The following MROH2A variants were observed in gnomAD, a reference collection of about 807,000 sequenced individuals.
MROH2A encodes maestro heat like repeat family member 2A.
MROH2A carries 174 observed loss-of-function variants against 200.4 expected under a neutral mutation model. The ratio of observed to expected loss-of-function variants is 0.87; its 90% confidence interval spans 0.77 to 0.98. The LOEUF (loss-of-function observed/expected upper bound fraction) is 0.98, where lower values mean the gene tolerates loss of function less well. Among genes scored for constraint, MROH2A ranks in the 50% least tolerant of loss-of-function variants. The pLI is 0.00. For missense variants in MROH2A, 2,045 were observed against 2,139.6 expected, an observed-to-expected ratio of 0.96 and a Z score of 0.87; for synonymous variants, 829 against 840.4, an observed-to-expected ratio of 0.99 and a Z score of 0.23.
chr2:233,800,185 C>T lies in MROH2A; in HGVS notation c.1450-20C>T. The T allele has an allele frequency of 4.0e-6, 6 of 1,514,288 alleles. No individual in the cohort carries two copies. The highest frequency in any genetic ancestry group is 5.4e-6 in the Non-Finnish European group (6 of 1,119,198). 93.8% of individuals were successfully genotyped at this position (1,514,288 alleles called of 1,614,324 possible). On this transcript the variant is annotated intron_variant, in intron 13 of 41. Coordinates refer to ENST00000389758, the MANE Select transcript of MROH2A (RefSeq NM_001394639.1). ...CCTCTGCTAGGCCACAGGTGGGAAT[C>T]CCTTGGTTCTTTCTTCCAGACAAAT...
chr2:233,792,748 C>T (rs1288291663), intron 5 of MROH2A, 48 bp from the exon 6 acceptor site: 1 of 1,240,914 alleles, frequency 8.1e-7, no homozygotes. Flanking sequence ...CTTCTCTCTG[C>T]TCACCCCCAG....
At position 233,819,908 on chromosome 2, in the gene MROH2A, G is replaced by A. The variant is rs1287245305; in HGVS notation, c.3364G>A (p.Glu1122Lys). ...ATGCCCCATCCCTACCTAGGTGGCC[G>A]AGATCCTGAGTGCCATCCTGGTGCA... ...RAKELEDKVAEILSAILVHLP... is the reference protein window; with the variant it reads ...RAKELEDKVAKILSAILVHLP... The change falls in exon 31 of 42, where the codon GAG becomes AAG. Residue 1122 changes from glutamate (E) to lysine (K), a missense_variant. Coordinates refer to ENST00000389758, the MANE Select transcript of MROH2A (RefSeq NM_001394639.1). 18 of 1,512,534 alleles carry A rather than the reference G, an allele frequency of 1.2e-5. No individual in the cohort carries two copies. The Admixed American group carries it at 1.9e-4, about 16-fold the overall frequency. The allele number at this position is 1,512,534 out of a possible 1,614,324, so 93.7% of individuals were successfully genotyped here.
intron 38 of MROH2A, among the ~76,000 whole-genome samples, chr2:233,831,109 G>A (rs766614670): frequency 2.0e-5 from 3 of 152,324 alleles, no homozygotes; most frequent in East Asian, 1.9e-4. Context: ...CCCGGCTCCC[G>A]CCTCTGATCC....
Position 233,779,813 on chromosome 2 carries a change from A to G in MROH2A, c.237A>G (p.Val79=), listed in dbSNP as rs2126076907. 1.3e-6 allele frequency: 2 copies of G among 1,550,616 alleles called. No individual in the cohort carries two copies. The highest frequency in any genetic ancestry group is 2.4e-5 in the South Asian group (2 of 84,058). ...AGAAGGCCACCACTGAGCCTTCTGT[A>G]GTGATAAACACTCTCATCCGCTGCC... The part of the protein sequence containing the change: ...IMEKATTEPS[V]VINTLIRCLQ... The change falls in exon 3 of 42, where the codon GTA becomes GTG. Residue 79 remains valine, a synonymous_variant. Coordinates refer to ENST00000389758, the MANE Select transcript of MROH2A (RefSeq NM_001394639.1).
upstream of MROH2A, among the ~76,000 whole-genome samples, chr2:233,776,170 C>A (rs1229558153): frequency 6.6e-6 from 1 of 152,052 alleles, no homozygotes; most frequent in African/African-American, 2.4e-5. Context: ...CACATTATGT[C>A]TTGGGCCTTT....
chr2:233,793,856 G>A, intron 7 of MROH2A, 32 bp downstream of exon 7: 1 of 1,368,966 alleles, frequency 7.3e-7, no homozygotes, highest in Non-Finnish European at 9.5e-7. Flanking sequence ...AGGGCCTGGT[G>A]GTCCCCAGGC....
At chr2:233,787,883 T>C (rs368268083) in intron 3 of MROH2A, among the ~76,000 whole-genome samples, 2 of 34,780 alleles carry the variant, frequency 5.8e-5, no homozygotes, top group Admixed American at 5.5e-4. Flanking sequence ...ATATATTATA[T>C]ATACATATAT....
At position 233,832,279 on chromosome 2, in the gene MROH2A, G is replaced by C; in HGVS notation, c.4837G>C (p.Gly1613Arg). ...RIRIAACNLA[G>R]IIMKQMSTHY... ...CAGAATCGCTGCTTGCAACTTGGCA[G>C]GTGAGCAGAGAGACGTCTCCTGACT... The change falls in exon 40 of 42, where the codon GGA (glycine) becomes CGA (arginine). Residue 1613 changes from glycine to arginine, a missense_variant and splice_region_variant. By Grantham distance (125) the Gly-to-Arg change is moderately radical. Transcript: ENST00000389758. 6.5e-7 allele frequency: 1 copy of C among 1,550,354 alleles called. No individual in the cohort carries two copies. The highest frequency in any genetic ancestry group is 8.7e-7 in the Non-Finnish European group (1 of 1,146,862).
At chr2:233,804,413 G>T in intron 17 of MROH2A, 82 bp from the exon 18 acceptor site, 1 of 1,463,470 alleles carries the variant, frequency 6.8e-7, no homozygotes, top group South Asian at 1.2e-5. Flanking sequence ...CCACGCTAAG[G>T]AGGCATAGAG....
intron 3 of MROH2A, 41 bp from the exon 4 acceptor site, chr2:233,789,456 G>A (rs1198898511): frequency 1.0e-5 from 14 of 1,351,112 alleles, no homozygotes; most frequent in Non-Finnish European, 1.3e-5. Context: ...TGTGCTGGGG[G>A]CAGGGTGAGG....
At chr2:233,800,022 G>A in intron 13 of MROH2A, 123 bp downstream of exon 13, 3 of 1,339,236 alleles carry the variant, frequency 2.2e-6, no homozygotes, top group Non-Finnish European at 2.1e-6. Context: ...CATGACAGGA[G>A]TTCATAGACA....
chr2:233,808,413 A>G (rs1702942930), intron 21 of MROH2A, among the ~76,000 whole-genome samples: 1 of 152,230 alleles, frequency 6.6e-6, no homozygotes, highest in African/African-American at 2.4e-5. Flanking sequence ...TCCCTGCCAC[A>G]GGAGATGGTC....
In MROH2A at chr2:233,820,757, C is replaced by A. The variant is rs1436433055; in HGVS notation, c.3512+701C>A. The stretch of plus-strand genomic sequence containing the variant: ...TGCAGGGACGTGAGGAGATGTCAGG[C>A]TAAGTAAGAGGCTTGGAACAGAGAA... On this transcript the variant is annotated intron_variant, in intron 31 of 41. Coordinates refer to ENST00000389758, the MANE Select transcript of MROH2A (RefSeq NM_001394639.1). The surrounding 1 kb of genome is among the most constrained non-coding windows in gnomAD (Gnocchi z 4.1). 1.3e-5 allele frequency among the ~76,000 whole-genome samples: 2 copies of A among 152,126 alleles called. No homozygotes were observed. Among genetic ancestry groups the A allele is most frequent in the Non-Finnish European group, 2.9e-5 (2 of 68,022 alleles).
At chr2:233,786,767 G>A (rs992502207) in intron 3 of MROH2A, among the ~76,000 whole-genome samples, 3 of 152,132 alleles carry the variant, frequency 2.0e-5, no homozygotes, top group African/African-American at 4.8e-5. Flanking sequence ...TCAGTCATCA[G>A]TGGCAATAAA....
At chr2:233,799,648 G>A in intron 12 of MROH2A, 132 bp from the exon 13 acceptor site, 3 of 1,133,336 alleles carry the variant, frequency 2.6e-6, no homozygotes, top group Non-Finnish European at 3.7e-6. Flanking sequence ...GGACAGAGTG[G>A]GCAGTAATCA....
rs1703661588 is a variant in MROH2A, at chr2:233,818,000, A to C, written c.2962-2A>C. 1 of 1,550,786 alleles carries C rather than the reference A, an allele frequency of 6.4e-7. No individual in the cohort carries two copies. The highest frequency in any genetic ancestry group is 8.7e-7 in the Non-Finnish European group (1 of 1,147,060). ...TGAGCCCCACGGTCTCCTGTCCCTC[A>C]GATCCACCTAAAGCTGGGGCAGTTT... On this transcript the variant is annotated splice_acceptor_variant, in intron 27 of 41. Coordinates refer to ENST00000389758, the MANE Select transcript of MROH2A (RefSeq NM_001394639.1). LOFTEE classifies it high-confidence loss of function.
Position 233,792,736 on chromosome 2 carries a change from G to C in MROH2A, c.572-60G>C, listed in dbSNP as rs1358033297. The C allele has an allele frequency of 2.7e-6, 3 of 1,092,464 alleles. No homozygotes were observed. The East Asian group carries it at 7.7e-5, about 28-fold the overall frequency. The allele number at this position is 1,092,464 out of a possible 1,614,324, so 67.7% of individuals were successfully genotyped here. On this transcript the variant is annotated intron_variant, in intron 5 of 41. Transcript: ENST00000389758. ...GGAGGGCAGCAGGGTTGTCCTCTCTGCCTTCTCTCTGCTCACCCCCAGCCC... is the reference window on the plus strand; with the variant it reads ...GGAGGGCAGCAGGGTTGTCCTCTCTCCCTTCTCTCTGCTCACCCCCAGCCC...
At chr2:233,802,403 C>A (rs1702530590) in intron 15 of MROH2A, 88 bp downstream of exon 15, 1 of 1,392,918 alleles carries the variant, frequency 7.2e-7, no homozygotes, top group Non-Finnish European at 9.7e-7. Context: ...ACATTCCTCC[C>A]ACCCTCATTC....
chr2:233,779,244 C>T (rs1350278372), intron 1 of MROH2A, 101 bp from the exon 2 acceptor site: 2 of 711,980 alleles, frequency 2.8e-6, no homozygotes, highest in Non-Finnish European at 4.9e-6. Context: ...TCCACCCACA[C>T]ACCCTCAAGG....
Sources: gnomAD v4.1 joint callset for allele counts (sites outside exome capture counted in the v4.1 genomes callset) on GRCh38, gnomAD v4.1.1 for gene constraint, Gnocchi (gnomAD v3.1) non-coding constraint, MANE v1.5 for transcripts, NCBI Gene and HGNC (gene_info 2026-07-23, HGNC 2026-07-21) for gene names.